The following OR10A2 variants were observed in gnomAD, a reference collection of about 807,000 sequenced individuals.
OR10A2 encodes the protein olfactory receptor 10A2.
In OR10A2, 15 loss-of-function variants were observed where a neutral mutation model predicts 13.7. The observed-to-expected ratio is 1.10, with a 90% CI of 0.73 to 1.69. OR10A2 has a LOEUF of 1.69. OR10A2 is among the 40% of genes most tolerant of loss of function. OR10A2 has a pLI of 0.00. For synonymous variants in OR10A2, 145 were observed against 144.7 expected (o/e 1.00, Z -0.02); for missense variants, 343 against 361.1 (o/e 0.95, Z 0.41).
In OR10A2 at chr11:6,869,991, C is replaced by T. The variant is rs145634268; in HGVS notation, c.237C>T (p.Ile79=). The T allele has an allele frequency of 4.3e-3, 7,005 of 1,614,228 alleles. 31 individuals carry two copies. Among genetic ancestry groups the T allele is most frequent in the Non-Finnish European group, 5.1e-3 (6,005 of 1,180,032 alleles). ...CCCTGCTTGCCCAGGACACAACCAT[C>T]TCCTTCCTTGGCTGTGCCACTCAGA... is the stretch of plus-strand genomic sequence containing the variant. ...LGTLLAQDTT[I]SFLGCATQMY... is the part of the protein sequence containing the mutation. The change falls in exon 2 of 2, where the codon ATC becomes ATT. Residue 79 remains isoleucine, a synonymous_variant. Coordinates refer to ENST00000641461, the MANE Select transcript of OR10A2 (RefSeq NM_001004460.2).
chr11:6,866,048 G>C (rs1848376378), intron 1 of OR10A2, among the ~76,000 whole-genome samples: 1 of 152,148 alleles, frequency 6.6e-6, no homozygotes, highest in Non-Finnish European at 1.5e-5. Flanking sequence ...AGAATTATCT[G>C]TAAATTCATT....
At position 6,872,760 on chromosome 11, in the gene OR10A2, T is replaced by C. The variant is rs1445574252; in HGVS notation, c.*2094T>C. 1.3e-5 allele frequency: 2 copies of C among 152,460 alleles called. No homozygotes were observed. Among genetic ancestry groups the C allele is most frequent in the African/African-American group, 4.8e-5 (2 of 41,434 alleles). The allele number at this position is 152,460 out of a possible 1,614,324, so 9.4% of individuals were successfully genotyped here. A position where few individuals can be genotyped will look rare whatever the true frequency, so the allele number is the denominator to read the frequency against. On this transcript the variant is annotated 3_prime_UTR_variant, in exon 2 of 2. Coordinates refer to ENST00000641461, the MANE Select transcript of OR10A2 (RefSeq NM_001004460.2). ...GCCTGAACCTCTCAAAGTGCTGGGA[T>C]TATAAGTGTGAGCCATTGCATGCAA...
chr11:6,866,713 T>A (rs1448452973), intron 1 of OR10A2, among the ~76,000 whole-genome samples: 1 of 152,158 alleles, frequency 6.6e-6, no homozygotes, highest in Non-Finnish European at 1.5e-5. Context: ...TTTTGTTTTA[T>A]TTTGTTTTAA....
rs1848441510 is a variant in OR10A2 at position 6,872,278 on chromosome 11, T to C, written c.*1612T>C. 6.6e-6 allele frequency: 1 copy of C among 152,216 alleles called. No individual in the cohort carries two copies. Among genetic ancestry groups the C allele is most frequent in the African/African-American group, 2.4e-5 (1 of 41,456 alleles). The allele number at this position is 152,216 out of a possible 1,614,324, so 9.4% of individuals were successfully genotyped here. A position where few individuals can be genotyped will look rare whatever the true frequency, so the allele number is the denominator to read the frequency against. On this transcript the variant is annotated 3_prime_UTR_variant, in exon 2 of 2. Coordinates refer to ENST00000641461, the MANE Select transcript of OR10A2 (RefSeq NM_001004460.2). ...TTTTCACTTTTATTTTAGCCAAATC[T>C]ATCCCATCTCTCAAGACCCCACTGT...
At chr11:6,869,466 T>C (rs1285325277) in intron 1 of OR10A2, among the ~76,000 whole-genome samples, 157 bp from the exon 2 acceptor site, 1 of 152,228 alleles carries the variant, frequency 6.6e-6, no homozygotes, top group Non-Finnish European at 1.5e-5. Context: ...CCTTTCTGAA[T>C]AACTTAAGGT....
chr11:6,864,896 C>T (rs1215195564), intron 1 of OR10A2, among the ~76,000 whole-genome samples: 1 of 148,060 alleles, frequency 6.8e-6, no homozygotes, highest in Admixed American at 6.8e-5. Flanking sequence ...CATTTATTTT[C>T]CATATAATTA....
rs60582338 is a variant in OR10A2, at chr11:6,863,358, CTTTTTTTTTTTTTT to C, written c.-133+20_-133+33del. The C allele has an allele frequency of 3.4e-5, 3 of 89,290 alleles. No homozygotes were observed. Among genetic ancestry groups the C allele is most frequent in the African/African-American group, 9.7e-5 (2 of 20,590 alleles). The allele number at this position is 89,290 out of a possible 1,614,324, so 5.5% of individuals were successfully genotyped here. ...ATGTTCCTGTTGGACACAGGTAAGCCTTTTTTTTTTTTTTTTTTTTTTTTTTCCACCAAGGACTG... is the reference window on the plus strand; with the variant it reads ...ATGTTCCTGTTGGACACAGGTAAGCCTTTTTTTTTTTTCCACCAAGGACTG... On this transcript the variant is annotated splice_region_variant and intron_variant, in intron 1 of 1. Transcript: ENST00000641461.
chr11:6,870,186 T>C lies in OR10A2; in HGVS notation c.432T>C (p.Thr144=). 6.2e-7 allele frequency: 1 copy of C among 1,614,234 alleles called. No individual in the cohort carries two copies. Residue 144 remains threonine (T), a synonymous_variant, in exon 2 of 2, where the codon ACT becomes ACC. Transcript: ENST00000641461. The part of the protein sequence containing the change: ...ASWFPGFPVA[T]VQTTWLFSFP... ...GGTTCCCAGGCTTTCCTGTAGCTACTGTGCAGACCACATGGCTCTTCAGTT... is the reference window on the plus strand; with the variant it reads ...GGTTCCCAGGCTTTCCTGTAGCTACCGTGCAGACCACATGGCTCTTCAGTT...
chr11:6,868,025 C>T (rs542663348), intron 1 of OR10A2, among the ~76,000 whole-genome samples: 21 of 152,336 alleles, frequency 1.4e-4, no homozygotes, highest in African/African-American at 5.0e-4. Flanking sequence ...CCTGGGATTA[C>T]AGGCATCAGC....
Position 6,864,599 on chromosome 11 carries a change from G to C in OR10A2, c.-133+1248G>C, listed in dbSNP as rs534292812. ...TAGAGAAGATGACTAATCCTATCTG[G>C]AAGTATCACATGACAGACAGAGCTG... On this transcript the variant is annotated intron_variant, in intron 1 of 1. Coordinates refer to ENST00000641461, the MANE Select transcript of OR10A2 (RefSeq NM_001004460.2). 6.6e-5 allele frequency among the ~76,000 whole-genome samples: 10 copies of C among 152,228 alleles called. No individual in the cohort carries two copies. The South Asian group carries it at 1.5e-3, about 22-fold the overall frequency.
intron 1 of OR10A2, among the ~76,000 whole-genome samples, chr11:6,867,541 T>G (rs74235424): frequency 0.01 from 1,592 of 152,198 alleles, 80 homozygotes; most frequent in Admixed American, 0.073. Context: ...AGGGCTTTGT[T>G]GAGAGTAAGT....
Position 6,869,633 on chromosome 11 carries a change from T to C in OR10A2, c.-122T>C. ...CTCTTTCCCTGACAGTAAGAACGAG[T>C]CTGAAAAACAAATTGAGAATCTGAC... On this transcript the variant is annotated 5_prime_UTR_variant, in exon 2 of 2. Transcript: ENST00000641461. 3.3e-6 allele frequency: 3 copies of C among 897,186 alleles called. No homozygotes were observed. Among genetic ancestry groups the C allele is most frequent in the South Asian group, 3.1e-5 (2 of 63,656 alleles). 55.6% of individuals were successfully genotyped at this position (897,186 alleles called of 1,614,324 possible). A position where few individuals can be genotyped will look rare whatever the true frequency, so the allele number is the denominator to read the frequency against.
chr11:6,865,600 A>G (rs1848373636), intron 1 of OR10A2, among the ~76,000 whole-genome samples: 1 of 152,200 alleles, frequency 6.6e-6, no homozygotes, highest in South Asian at 2.1e-4. Flanking sequence ...TTGAAATATG[A>G]CTGGGAAATT....
chr11:6,869,753 T>A lies in OR10A2; in HGVS notation c.-2T>A. ...TGGACAAGAATAAGTGAGTTTATCCTCATGAGCTTCTCTTCCCTGCCTACT... is the reference window on the plus strand; with the variant it reads ...TGGACAAGAATAAGTGAGTTTATCCACATGAGCTTCTCTTCCCTGCCTACT... On this transcript the variant is annotated 5_prime_UTR_variant, in exon 2 of 2. Transcript: ENST00000641461. 6.2e-7 allele frequency: 1 copy of A among 1,613,180 alleles called. No homozygotes were observed. Among genetic ancestry groups the A allele is most frequent in the Non-Finnish European group, 8.5e-7 (1 of 1,179,206 alleles).
intron 1 of OR10A2, among the ~76,000 whole-genome samples, chr11:6,864,157 G>C (rs776800299): frequency 6.6e-6 from 1 of 152,094 alleles, no homozygotes; most frequent in African/African-American, 2.4e-5. Flanking sequence ...CACTGGAGAC[G>C]GGGCACTAGC....
chr11:6,867,948 C>T (rs914536354), intron 1 of OR10A2, among the ~76,000 whole-genome samples: 1 of 151,836 alleles, frequency 6.6e-6, no homozygotes, highest in Non-Finnish European at 1.5e-5. Context: ...TGGGGTTTCG[C>T]CACCTTGCTG....
chr11:6,868,464 C>T (rs2133068994), intron 1 of OR10A2, among the ~76,000 whole-genome samples: 1 of 152,200 alleles, frequency 6.6e-6, no homozygotes, highest in Admixed American at 6.5e-5. Flanking sequence ...TCAGAGTGAT[C>T]CTTCTAAGTA....
At chr11:6,865,140 T>A (rs1848370398) in intron 1 of OR10A2, among the ~76,000 whole-genome samples, 1 of 146,222 alleles carries the variant, frequency 6.8e-6, no homozygotes, top group African/African-American at 2.5e-5. Context: ...CAAAATTTCT[T>A]ATATATAAAT....
intron 1 of OR10A2, among the ~76,000 whole-genome samples, chr11:6,868,399 T>C (rs1284917237): frequency 6.6e-6 from 1 of 152,126 alleles, no homozygotes; most frequent in East Asian, 1.9e-4. Context: ...CCTAGTCTTC[T>C]TGATCCGAGG....
Sources: gnomAD v4.1 joint callset for allele counts (sites outside exome capture counted in the v4.1 genomes callset) on GRCh38, gnomAD v4.1.1 for gene constraint, MANE v1.5 for transcripts, NCBI Gene and HGNC (gene_info 2026-07-23, HGNC 2026-07-21) for gene names.